The following C1orf141 variants were observed in gnomAD, a reference collection of about 807,000 sequenced individuals.
C1orf141 encodes the protein chromosome 1 open reading frame 141, also known as uncharacterized protein C1orf141.
C1orf141 carries 19 observed loss-of-function variants against 23.2 expected under a neutral mutation model. That is an observed-to-expected ratio of 0.82 (90% CI 0.57 to 1.20). C1orf141 has a LOEUF of 1.20. Ranked by LOEUF, C1orf141 falls within the 50% of genes most tolerant of loss-of-function variation. C1orf141 has a pLI of 0.00. For synonymous variants in C1orf141, 153 were observed against 154.6 expected (o/e 0.99, Z 0.08); for missense variants, 469 against 455.1 (o/e 1.03, Z -0.28).
Position 67,095,399 on chromosome 1 carries a change from C to A in C1orf141, c.439G>T (p.Asp147Tyr), listed in dbSNP as rs752539243. The A allele has an allele frequency of 1.1e-5, 17 of 1,547,060 alleles. No homozygotes were observed. Among genetic ancestry groups the A allele is most frequent in the Non-Finnish European group, 1.5e-5 (17 of 1,138,300 alleles). Reference protein sequence around the residue: ...NKRKKSPQMNDFNIKENKSVR... With the variant: ...NKRKKSPQMNYFNIKENKSVR... ...GATTTGTTTTCTTTTATATTAAAAT[C>A]GTTCATCTGTGGAGATTTTTTTCTG... The change falls in exon 7 of 8, where the codon GAT (aspartate) becomes TAT (tyrosine). Residue 147 changes from aspartate to tyrosine, a missense_variant. Physicochemically the swap from Asp to Tyr is radical, Grantham distance 160. Transcript: ENST00000684719.
intron 7 of C1orf141, chr1:67,094,901 C>T (rs1237888753): frequency 1.1e-5 from 2 of 177,846 alleles, no homozygotes; most frequent in Admixed American, 6.0e-5. Flanking sequence ...TCCAGAGTAG[C>T]GGGGATTACA....
At chr1:67,110,406 T>A (rs753891173) in intron 5 of C1orf141, among the ~76,000 whole-genome samples, 11 of 152,112 alleles carry the variant, frequency 7.2e-5, no homozygotes, top group Non-Finnish European at 1.3e-4. Flanking sequence ...GTATAAACAA[T>A]CTTTGTTATT....
At chr1:67,127,049 T>C in intron 3 of C1orf141, 117 bp downstream of exon 3, 4 of 585,940 alleles carry the variant, frequency 6.8e-6, no homozygotes, top group Non-Finnish European at 1.1e-5. Context: ...ATTAGTTGCT[T>C]TTTACAAATT....
chr1:67,111,686 T>TGGC, intron 5 of C1orf141: 1 of 886,512 alleles, frequency 1.1e-6, no homozygotes, highest in Non-Finnish European at 1.6e-6. Flanking sequence ...ATTAAGTTAC[T>TGGC]TCTAATTAAA....
intron 5 of C1orf141, among the ~76,000 whole-genome samples, chr1:67,105,399 A>T (rs1645902089): frequency 6.6e-6 from 1 of 152,036 alleles, no homozygotes; most frequent in East Asian, 1.9e-4. Flanking sequence ...GTAACAGCCA[A>T]CATCATCATT....
intron 5 of C1orf141, among the ~76,000 whole-genome samples, chr1:67,115,131 AT>A (rs57717612): frequency 0.098 from 14,892 of 152,286 alleles, 1,142 homozygotes; most frequent in African/African-American, 0.21. Context: ...ACATAACACT[AT>A]AAACATAAAA....
At chr1:67,108,858 T>C (rs1170407916) in intron 5 of C1orf141, among the ~76,000 whole-genome samples, 1 of 152,054 alleles carries the variant, frequency 6.6e-6, no homozygotes, top group East Asian at 1.9e-4. Flanking sequence ...ATCAGGGAAA[T>C]GCAAATTAAA....
At chr1:67,112,970 A>C (rs766209651) in intron 5 of C1orf141, among the ~76,000 whole-genome samples, 2 of 152,130 alleles carry the variant, frequency 1.3e-5, no homozygotes, top group Non-Finnish European at 2.9e-5. Flanking sequence ...AAAGAGGCTA[A>C]TGAAGTTGCA....
intron 5 of C1orf141, among the ~76,000 whole-genome samples, chr1:67,114,667 G>A (rs7520634): frequency 0.64 from 97,393 of 151,950 alleles, 31,675 homozygotes; most frequent in East Asian, 0.79. Context: ...CCTAGCTCAC[G>A]GACTCCTAAA....
chr1:67,104,577 A>G (rs1356726674), intron 5 of C1orf141, among the ~76,000 whole-genome samples: 3 of 152,198 alleles, frequency 2.0e-5, no homozygotes, highest in Non-Finnish European at 2.9e-5. Context: ...CCTTTAAAAC[A>G]TAGTTTAAAA....
Position 67,129,295 on chromosome 1 carries a change from G to GA in C1orf141, c.-18+1846dup, listed in dbSNP as rs946502112. 8.5e-3 allele frequency among the ~76,000 whole-genome samples: 1,223 copies of GA among 144,650 alleles called. 14 individuals carry two copies. The highest frequency in any genetic ancestry group is 0.021 in the African/African-American group (825 of 39,690). The allele number at this position is 144,650 out of a possible 152,430, so 94.9% of individuals were successfully genotyped here. ...ACATAGCAAGACCTCATCTCATGAA[G>GA]AAAAAAAAAAAGTAGCCAGGCACAG... On this transcript the variant is annotated intron_variant, in intron 2 of 7. Coordinates refer to ENST00000684719, the MANE Select transcript of C1orf141 (RefSeq NM_001276351.2).
chr1:67,129,138 G>A (rs547377200), intron 2 of C1orf141, among the ~76,000 whole-genome samples: 56 of 152,044 alleles, frequency 3.7e-4, no homozygotes, highest in Non-Finnish European at 7.4e-4. Flanking sequence ...TCCATCACAC[G>A]ATGTAGTCCA....
intron 5 of C1orf141, among the ~76,000 whole-genome samples, chr1:67,100,670 T>A (rs573112838): frequency 6.6e-6 from 1 of 152,156 alleles, no homozygotes; most frequent in Non-Finnish European, 1.5e-5. Context: ...TTTGTTCTTA[T>A]TTTTCTTTCT....
intron 2 of C1orf141, among the ~76,000 whole-genome samples, chr1:67,129,011 T>A (rs78968634): frequency 6.6e-6 from 1 of 151,216 alleles, no homozygotes; most frequent in African/African-American, 2.4e-5. Flanking sequence ...TTCCTTCAGC[T>A]TTTTTTTTAC....
Position 67,100,670 on chromosome 1 carries a change from T to C in C1orf141, c.347-4349A>G, listed in dbSNP as rs573112838. On this transcript the variant is annotated intron_variant, in intron 5 of 7. Coordinates refer to ENST00000684719, the MANE Select transcript of C1orf141 (RefSeq NM_001276351.2). The stretch of plus-strand genomic sequence containing the variant: ...TCATAGGTCCCATGATTTGTTCTTA[T>C]TTTTCTTTCTGCTCAACTTTGAATC... Among the ~76,000 whole-genome samples the C allele has an allele frequency of 3.3e-5, 5 of 152,274 alleles. No homozygotes were observed. In the East Asian group the frequency reaches 9.6e-4, roughly 29 times the overall value.
intron 1 of C1orf141, among the ~76,000 whole-genome samples, chr1:67,134,215 G>A (rs1343065770): frequency 1.3e-5 from 2 of 152,190 alleles, no homozygotes; most frequent in African/African-American, 4.8e-5. Context: ...CTGTGGCCAG[G>A]CTGGTCTCTA....
intron 5 of C1orf141, chr1:67,103,200 C>A (rs1177635767): frequency 2.5e-6 from 3 of 1,223,192 alleles, no homozygotes; most frequent in East Asian, 5.2e-5. Flanking sequence ...GTGCAGATAA[C>A]TTTCAGTTAT....
At chr1:67,108,695 T>C (rs2102449136) in intron 5 of C1orf141, among the ~76,000 whole-genome samples, 1 of 152,178 alleles carries the variant, frequency 6.6e-6, no homozygotes, top group African/African-American at 2.4e-5. Context: ...GCCACTGCAC[T>C]CCAGCCTAGG....
At chr1:67,129,641 G>A (rs1460218520) in intron 2 of C1orf141, among the ~76,000 whole-genome samples, 1 of 152,174 alleles carries the variant, frequency 6.6e-6, no homozygotes, top group African/African-American at 2.4e-5. Context: ...ACAGTGAGAA[G>A]CCAGGGTAAG....
Sources: allele counts gnomAD v4.1 joint callset (sites outside exome capture counted in the v4.1 genomes callset), GRCh38; gene constraint gnomAD v4.1.1; transcripts MANE v1.5; gene names NCBI Gene and HGNC (gene_info 2026-07-23, HGNC 2026-07-21).